The following ZFYVE1 variants were observed in gnomAD, a reference collection of about 807,000 sequenced individuals.
The protein encoded by ZFYVE1 is zinc finger FYVE domain-containing protein 1.
A neutral mutation model predicts 74.4 loss-of-function variants in ZFYVE1; 30 were observed. The ratio of observed to expected loss-of-function variants is 0.40; its 90% CI spans 0.30 to 0.55. ZFYVE1 has a LOEUF of 0.55. Ranked by LOEUF, ZFYVE1 falls within the 20% of genes least tolerant of loss-of-function variation. The pLI is 0.42. For missense variants in ZFYVE1, 703 were observed against 1,011.6 expected (o/e 0.69, Z 4.14); for synonymous variants, 335 against 385.1 (o/e 0.87, Z 1.52).
chr14:72,974,013 A>T, intron 11 of ZFYVE1, 67 bp downstream of exon 11: 4 of 1,421,682 alleles, frequency 2.8e-6, no homozygotes, highest in Non-Finnish European at 4.0e-6. Context: ...ACAAAGTGAC[A>T]GCCCAGGGCA....
chr14:72,978,932 C>T lies in ZFYVE1; in HGVS notation c.1348G>A (p.Gly450Arg), dbSNP rs199799959. The part of the protein sequence containing the change: ...CKKSMNHGKE[G>R]VPHEAKSRCR... ...CGGCTCTTGGCTTCATGAGGCACTC[C>T]TTCCTTCCCATGATTCATGCTTTTC... is the stretch of plus-strand genomic sequence containing the variant. Residue 450 changes from glycine (G) to arginine (R), a missense_variant, in exon 6 of 12, where the codon GGA becomes AGA. Coordinates refer to ENST00000556143, the MANE Select transcript of ZFYVE1 (RefSeq NM_021260.4). The T allele has an allele frequency of 8.1e-6, 13 of 1,614,022 alleles. No homozygotes were observed. In the African/African-American group the frequency reaches 1.6e-4, roughly 20 times the overall value.
chr14:73,019,088 A>C (rs1894261175), intron 2 of ZFYVE1, among the ~76,000 whole-genome samples: 1 of 152,204 alleles, frequency 6.6e-6, no homozygotes, highest in Non-Finnish European at 1.5e-5. Flanking sequence ...GTCTCTTCTC[A>C]AATTTACCAC....
chr14:72,979,552 G>A (rs1434847847), intron 5 of ZFYVE1, among the ~76,000 whole-genome samples: 2 of 151,978 alleles, frequency 1.3e-5, no homozygotes, highest in Non-Finnish European at 2.9e-5. Context: ...TACTCAGGAG[G>A]CTGAGGCAGG....
chr14:73,018,682 G>T (rs1215377163), intron 2 of ZFYVE1, among the ~76,000 whole-genome samples: 7 of 152,120 alleles, frequency 4.6e-5, no homozygotes, highest in Non-Finnish European at 1.0e-4. Context: ...AGTGGCTCAT[G>T]CCTGTAATCC....
At chr14:72,973,512 C>CA (rs1010932570) in intron 11 of ZFYVE1, among the ~76,000 whole-genome samples, 26 of 147,158 alleles carry the variant, frequency 1.8e-4, no homozygotes, top group South Asian at 4.2e-4. Flanking sequence ...AACAAACAAA[C>CA]AAAAAAAAAG....
chr14:72,975,601 G>T lies in ZFYVE1; in HGVS notation c.1756C>A (p.Leu586Met). 6.2e-7 allele frequency: 1 copy of T among 1,614,182 alleles called. No individual in the cohort carries two copies. The highest frequency in any genetic ancestry group is 8.5e-7 in the Non-Finnish European group (1 of 1,180,032). The change falls in exon 9 of 12, where the codon CTG becomes ATG. Residue 586 changes from leucine to methionine, a missense_variant. Leu to Met is a conservative substitution (Grantham distance 15). Coordinates refer to ENST00000556143, the MANE Select transcript of ZFYVE1 (RefSeq NM_021260.4). The surrounding 1 kb of genome is among the most constrained non-coding windows in gnomAD (Gnocchi z 4.1). ...LGPTKAVTSW[L>M]TDQIAPAYWR... ...TAGGCAGGGGCGATCTGGTCTGTCAGCCAGGAAGTCACAGCCTTGGTGGGT... is the reference window on the plus strand; with the variant it reads ...TAGGCAGGGGCGATCTGGTCTGTCATCCAGGAAGTCACAGCCTTGGTGGGT...
rs2286838 is a variant in ZFYVE1 at position 72,981,875 on chromosome 14, G to A, written c.1224C>T (p.Ser408=). The stretch of plus-strand genomic sequence containing the variant: ...CCATCTGGTCATCGGGGATCTCACC[G>A]CTGAAGCGGTCACTTAGTGCCTGCC... ...KALKALSDRF[S]GEIPDDQMAH... is the part of the protein sequence containing the mutation. Residue 408 remains serine, a synonymous_variant, in exon 5 of 12, where the codon AGC becomes AGT. Transcript: ENST00000556143. 0.083 allele frequency: 134,097 copies of A among 1,613,870 alleles called. 6,213 individuals are homozygous for A. Among genetic ancestry groups the A allele is most frequent in the East Asian group, 0.17 (7,419 of 44,864 alleles).
chr14:72,978,097 A>G (rs1401645133), intron 7 of ZFYVE1, 40 bp downstream of exon 7: 1 of 1,613,786 alleles, frequency 6.2e-7, no homozygotes, highest in Non-Finnish European at 8.5e-7. Context: ...TGGGGAGACA[A>G]ACGCACCAGA....
In ZFYVE1 at chr14:73,010,934, A is replaced by G. The variant is rs535833399; in HGVS notation, c.484-12619T>C. ...GTGGATACTGCATGAAGGATTTTAC[A>G]TATGTTTTTCTCAATCCCCAACCCC... On this transcript the variant is annotated intron_variant, in intron 2 of 11. Transcript: ENST00000556143. Among the ~76,000 whole-genome samples the G allele has an allele frequency of 1.7e-3, 259 of 151,982 alleles. 2 individuals are homozygous for G. The highest frequency in any genetic ancestry group is 5.7e-3 in the African/African-American group (238 of 41,516).
rs1256737344 is a variant in ZFYVE1 at position 72,975,963 on chromosome 14, A to C, written c.1636-242T>G. On this transcript the variant is annotated intron_variant, in intron 8 of 11. Coordinates refer to ENST00000556143, the MANE Select transcript of ZFYVE1 (RefSeq NM_021260.4). This position sits in a 1 kb window ranked among gnomAD's most constrained non-coding sequence, Gnocchi z 4.1. Reference sequence around the variant, plus strand: ...AAGCCCATATAATACAGGAGATGACACCTCCTCCAGGGGGCCCCGCACCGC... The same window carrying C: ...AAGCCCATATAATACAGGAGATGACCCCTCCTCCAGGGGGCCCCGCACCGC... 4.6e-6 allele frequency: 2 copies of C among 435,506 alleles called. No individual in the cohort carries two copies. Among genetic ancestry groups the C allele is most frequent in the South Asian group, 4.1e-5 (1 of 24,318 alleles). The allele number at this position is 435,506 out of a possible 1,614,324, so 27.0% of individuals were successfully genotyped here.
chr14:73,022,172 A>G (rs750716341), intron 2 of ZFYVE1, among the ~76,000 whole-genome samples: 5 of 152,354 alleles, frequency 3.3e-5, no homozygotes, highest in Middle Eastern at 6.8e-3. Context: ...ATCGCTGACA[A>G]GGGACATGGA....
At chr14:73,013,897 G>T (rs1894141088) in intron 2 of ZFYVE1, among the ~76,000 whole-genome samples, 6 of 152,162 alleles carry the variant, frequency 3.9e-5, no homozygotes, top group Admixed American at 3.9e-4. Flanking sequence ...CCCCAGAAAA[G>T]TCTGACCAGC....
chr14:73,001,648 T>C (rs776450305), intron 2 of ZFYVE1, among the ~76,000 whole-genome samples: 62 of 152,090 alleles, frequency 4.1e-4, no homozygotes, highest in Non-Finnish European at 7.8e-4. Flanking sequence ...AATTATCATA[T>C]GGAGAGGCTA....
At chr14:72,983,233 A>G (rs1458715564) in intron 4 of ZFYVE1, among the ~76,000 whole-genome samples, 1 of 151,874 alleles carries the variant, frequency 6.6e-6, no homozygotes, top group Admixed American at 6.6e-5. Context: ...GTTCTAGAGT[A>G]CATGAGCACA....
Position 72,974,826 on chromosome 14 carries a change from G to A in ZFYVE1, c.1940C>T (p.Pro647Leu), listed in dbSNP as rs1432633573. ...PVPERGWGPA[P>L]VRVCDNCYEA... ...GTAGCAGTTGTCACAGACCCGCACT[G>A]GCGCAGGGCCCCAGCCCCGCTCAGG... Residue 647 changes from proline (P) to leucine (L), a missense_variant, in exon 10 of 12, where the codon CCA becomes CTA. Pro to Leu is a moderately conservative substitution (Grantham distance 98). This residue lies in a region of ZFYVE1 where 492 missense variants were observed against 790.0 expected (regional missense o/e 0.62). Transcript: ENST00000556143. The A allele has an allele frequency of 8.1e-6, 13 of 1,612,820 alleles. No homozygotes were observed. Among genetic ancestry groups the A allele is most frequent in the Non-Finnish European group, 1.0e-5 (12 of 1,179,134 alleles).
chr14:72,978,784 GC>G, intron 6 of ZFYVE1, 76 bp downstream of exon 6: 2 of 1,184,110 alleles, frequency 1.7e-6, no homozygotes, highest in Non-Finnish European at 2.5e-6. Flanking sequence ...GCAAAAAATG[GC>G]CCCAAGATAG....
chr14:72,986,688 C>A (rs1020756656), intron 4 of ZFYVE1, among the ~76,000 whole-genome samples: 2 of 151,930 alleles, frequency 1.3e-5, no homozygotes, highest in African/African-American at 4.8e-5. Flanking sequence ...GCCACCATGC[C>A]CAGCTGATTT....
intron 4 of ZFYVE1, among the ~76,000 whole-genome samples, chr14:72,992,590 C>T (rs1893638888): frequency 6.8e-6 from 1 of 146,440 alleles, no homozygotes; most frequent in Non-Finnish European, 1.5e-5. Context: ...AATTTTCTAC[C>T]TCTGGGGGGA....
intron 4 of ZFYVE1, 100 bp from the exon 5 acceptor site, chr14:72,981,995 A>T: frequency 1.0e-6 from 1 of 961,406 alleles, no homozygotes; most frequent in Non-Finnish European, 1.6e-6. Flanking sequence ...GGCACAGAAG[A>T]AATCCAGTAA....
Sources: gnomAD v4.1 joint callset for allele counts (sites outside exome capture counted in the v4.1 genomes callset) on GRCh38, gnomAD v4.1.1 for gene constraint, gnomAD v4.1.1 regional missense constraint, Gnocchi (gnomAD v3.1) non-coding constraint, MANE v1.5 for transcripts, NCBI Gene and HGNC (gene_info 2026-07-23, HGNC 2026-07-21) for gene names.